The following GRID2 variants were observed in gnomAD, a reference collection of about 807,000 sequenced individuals.
The protein encoded by GRID2 is glutamate receptor ionotropic, delta-2.
Under a neutral mutation model 114.8 loss-of-function variants are expected in GRID2, and 33 were observed. The observed-to-expected ratio is 0.29, with a 90% CI of 0.22 to 0.38. The LOEUF (loss-of-function observed/expected upper bound fraction) is 0.38. GRID2 is among the 10% of genes least tolerant of loss of function. The probability of loss-of-function intolerance (pLI) is 1.00; values close to 1 mark genes in which losing one functional copy is unlikely to be tolerated. For missense variants in GRID2, 1,184 were observed against 1,257.7 expected (o/e 0.94, Z 0.89); for synonymous variants, 505 against 449.9 (o/e 1.12, Z -1.55).
chr4:93,006,474 A>G (rs1721538923), intron 2 of GRID2, among the ~76,000 whole-genome samples: 1 of 152,118 alleles, frequency 6.6e-6, no homozygotes, highest in Non-Finnish European at 1.5e-5. Context: ...GAGACTAAAT[A>G]TAACAGTCTT....
At chr4:93,212,578 G>A (rs138295534) in intron 5 of GRID2, among the ~76,000 whole-genome samples, 44 of 152,122 alleles carry the variant, frequency 2.9e-4, no homozygotes, top group African/African-American at 1.0e-3. Context: ...ATAGGAAGAC[G>A]TGCACTGTTC....
intron 10 of GRID2, among the ~76,000 whole-genome samples, chr4:93,436,333 C>A (rs1052273124): frequency 1.3e-5 from 2 of 152,056 alleles, no homozygotes; most frequent in African/African-American, 4.8e-5. Context: ...TTCTCTTTTA[C>A]CTGCAGTTCC....
At chr4:92,837,839 A>C (rs965021477) in intron 2 of GRID2, among the ~76,000 whole-genome samples, 1 of 152,128 alleles carries the variant, frequency 6.6e-6, no homozygotes, top group African/African-American at 2.4e-5. Flanking sequence ...ATTGTGGTTA[A>C]ACAATGTATG....
chr4:93,152,318 C>T (rs1351822707), intron 4 of GRID2, among the ~76,000 whole-genome samples: 1 of 151,870 alleles, frequency 6.6e-6, no homozygotes, highest in African/African-American at 2.4e-5. Context: ...AAACAATAAG[C>T]AAGGCAAAAA....
intron 2 of GRID2, among the ~76,000 whole-genome samples, chr4:92,928,205 A>C (rs1363460209): frequency 6.6e-6 from 1 of 151,686 alleles, no homozygotes; most frequent in African/African-American, 2.4e-5. Flanking sequence ...AATTCCCACT[A>C]ACTACAGCTG....
intron 1 of GRID2, among the ~76,000 whole-genome samples, chr4:92,395,453 C>G (rs1730447310): frequency 1.3e-5 from 2 of 151,638 alleles, no homozygotes; most frequent in Non-Finnish European, 3.0e-5. Flanking sequence ...TACTTAATAT[C>G]TATTAAAATA....
At chr4:93,163,794 A>C (rs1175005585) in intron 4 of GRID2, among the ~76,000 whole-genome samples, 2 of 151,960 alleles carry the variant, frequency 1.3e-5, no homozygotes, top group Non-Finnish European at 2.9e-5. Context: ...CAGAAATAGT[A>C]GACTGTGGCT....
intron 13 of GRID2, among the ~76,000 whole-genome samples, chr4:93,535,732 T>C (rs1352322433): frequency 1.3e-5 from 2 of 152,094 alleles, no homozygotes; most frequent in Non-Finnish European, 2.9e-5. Flanking sequence ...TTGCCCATTT[T>C]TTATTTGGGT....
At chr4:92,917,144 G>T (rs183717888) in intron 2 of GRID2, among the ~76,000 whole-genome samples, 45 of 152,118 alleles carry the variant, frequency 3.0e-4, no homozygotes, top group Non-Finnish European at 4.6e-4. Flanking sequence ...GTCTTTTGGC[G>T]GAATAAATGT....
At chr4:92,307,572 A>G (rs1298606586) in intron 1 of GRID2, among the ~76,000 whole-genome samples, 2 of 152,172 alleles carry the variant, frequency 1.3e-5, no homozygotes, top group African/African-American at 2.4e-5. Context: ...AATAAGGTCA[A>G]TTACACATTT....
chr4:93,363,186 C>T, intron 8 of GRID2, among the ~76,000 whole-genome samples: 1 of 152,152 alleles, frequency 6.6e-6, no homozygotes, highest in Middle Eastern at 3.2e-3. Flanking sequence ...CACTGCACTC[C>T]AGCCTGGACG....
chr4:92,482,700 A>T (rs911584813), intron 1 of GRID2, among the ~76,000 whole-genome samples: 4 of 152,158 alleles, frequency 2.6e-5, no homozygotes, highest in African/African-American at 9.7e-5. Context: ...TTGTTGCTCA[A>T]TTCTGGCTTG....
chr4:93,208,905 G>A (rs1034155716), intron 5 of GRID2, among the ~76,000 whole-genome samples: 9 of 151,830 alleles, frequency 5.9e-5, no homozygotes, highest in Non-Finnish European at 1.2e-4. Context: ...TTGGGATAGA[G>A]GGAAAGACAA....
At position 93,249,460 on chromosome 4, in the gene GRID2, T is replaced by A. The variant is rs746177225; in HGVS notation, c.1245+10970T>A. Among the ~76,000 whole-genome samples, 11 of 152,188 alleles carry A rather than the reference T, an allele frequency of 7.2e-5. 1 individual carries two copies. Among genetic ancestry groups the A allele is most frequent in the Admixed American group, 2.6e-4 (4 of 15,270 alleles). On this transcript the variant is annotated intron_variant, in intron 8 of 15. Coordinates refer to ENST00000282020, the MANE Select transcript of GRID2 (RefSeq NM_001510.4). ...ATAGCAATGAATCTATAAATTATTT[T>A]GGGCAGCATGGCCAACTTCATGATA...
chr4:93,614,302 G>T (rs534131087), intron 13 of GRID2, among the ~76,000 whole-genome samples: 1 of 152,036 alleles, frequency 6.6e-6, no homozygotes, highest in Non-Finnish European at 1.5e-5. Context: ...GCTGTAGACC[G>T]GAGCTGTTCC....
intron 2 of GRID2, among the ~76,000 whole-genome samples, chr4:92,630,137 C>A (rs1168387414): frequency 6.6e-6 from 1 of 151,884 alleles, no homozygotes; most frequent in Non-Finnish European, 1.5e-5. Flanking sequence ...AGACATCTGT[C>A]ATTTTACAAA....
At chr4:92,867,162 G>A (rs1284167715) in intron 2 of GRID2, among the ~76,000 whole-genome samples, 1 of 151,886 alleles carries the variant, frequency 6.6e-6, no homozygotes, top group Non-Finnish European at 1.5e-5. Context: ...AAAAATGGTT[G>A]TTAAATTTTT....
intron 2 of GRID2, among the ~76,000 whole-genome samples, chr4:92,869,531 G>C (rs1271433391): frequency 6.6e-6 from 1 of 152,154 alleles, no homozygotes; most frequent in Non-Finnish European, 1.5e-5. Flanking sequence ...TGTCCTTGGT[G>C]TCCAAAACAT....
chr4:92,419,537 T>C (rs80081895), intron 1 of GRID2, among the ~76,000 whole-genome samples: 1 of 152,132 alleles, frequency 6.6e-6, no homozygotes, highest in Admixed American at 6.6e-5. Context: ...AGAAGCCAGA[T>C]TGAAGTCATA....
Sources: allele counts gnomAD v4.1 joint callset (sites outside exome capture counted in the v4.1 genomes callset), GRCh38; gene constraint gnomAD v4.1.1; transcripts MANE v1.5; gene names NCBI Gene and HGNC (gene_info 2026-07-23, HGNC 2026-07-21).